The following CYP3A5 variants were observed in gnomAD, a reference collection of about 807,000 sequenced individuals.
CYP3A5 encodes the protein cytochrome P450 3A5.
CYP3A5 carries 51 observed loss-of-function variants against 55.9 expected under a neutral mutation model. That is an observed-to-expected ratio of 0.91 (90% CI 0.73 to 1.15). CYP3A5 has a LOEUF of 1.15. Ranked by LOEUF, CYP3A5 falls within the 50% of genes most tolerant of loss-of-function variation. The pLI, the probability that CYP3A5 is intolerant of heterozygous loss-of-function variation, is 0.00. For synonymous variants in CYP3A5, 196 were observed against 213.9 expected, an observed-to-expected ratio of 0.92 and a Z score of 0.73; for missense variants, 533 against 596.6, an observed-to-expected ratio of 0.89 and a Z score of 1.11.
intron 1 of CYP3A5, 25 bp downstream of exon 1, chr7:99,679,799 AAG>A: frequency 1.9e-6 from 3 of 1,612,732 alleles, no homozygotes; most frequent in Non-Finnish European, 2.5e-6. Context: ...CAAGGAAACA[AAG>A]AGAGGAGTTT....
rs575774991 is a variant in CYP3A5, at chr7:99,679,712, C to A, written c.71+114G>T. 3.0e-5 allele frequency: 29 copies of A among 965,194 alleles called. No individual in the cohort carries two copies. The African/African-American group carries it at 4.1e-4, about 14-fold the overall frequency. The allele number at this position is 965,194 out of a possible 1,614,324, so 59.8% of individuals were successfully genotyped here. On this transcript the variant is annotated intron_variant, in intron 1 of 12. Coordinates refer to ENST00000222982, the MANE Select transcript of CYP3A5 (RefSeq NM_000777.5). ...TATGCGTTTGTAGCGTCCAACACTT[C>A]AGCTACTTCTCCTTGAACATCTCTT...
intron 2 of CYP3A5, among the ~76,000 whole-genome samples, chr7:99,675,107 G>A (rs1156979535): frequency 1.3e-5 from 2 of 152,216 alleles, no homozygotes; most frequent in African/African-American, 4.8e-5. Context: ...TCTAAGGCAT[G>A]TTGTTGAGTG....
At chr7:99,677,656 G>A (rs1488710421) in intron 1 of CYP3A5, among the ~76,000 whole-genome samples, 1 of 152,212 alleles carries the variant, frequency 6.6e-6, no homozygotes, top group Non-Finnish European at 1.5e-5. Flanking sequence ...CTCAGCAGGG[G>A]CAGCATGAGC....
At chr7:99,671,594 T>G (rs767197539) in intron 4 of CYP3A5, 14 of 431,756 alleles carry the variant, frequency 3.2e-5, no homozygotes, top group Non-Finnish European at 4.5e-5. Flanking sequence ...TAACACAAAA[T>G]GGGTAATAGA....
rs989063277 is a variant in CYP3A5 at position 99,664,436 on chromosome 7, C to A, written c.671-341G>T. Reference sequence around the variant, plus strand: ...TAATCTGCTGCTTAACTTAATCATGCTGTTCAGGAAATGATAGTCAAGATA... The same window carrying A: ...TAATCTGCTGCTTAACTTAATCATGATGTTCAGGAAATGATAGTCAAGATA... On this transcript the variant is annotated intron_variant, in intron 7 of 12. Coordinates refer to ENST00000222982, the MANE Select transcript of CYP3A5 (RefSeq NM_000777.5). 3.4e-4 allele frequency among the ~76,000 whole-genome samples: 51 copies of A among 152,136 alleles called. 1 individual carries two copies. The highest frequency in any genetic ancestry group is 6.5e-5 in the Admixed American group (1 of 15,274).
rs1356525876 is a variant in CYP3A5 at position 99,664,029 on chromosome 7, A to T, written c.737T>A (p.Ile246Lys). Reference protein sequence around the residue: ...LNVSLFPKDTINFLSKSVNRM... With the variant: ...LNVSLFPKDTKNFLSKSVNRM... The stretch of plus-strand genomic sequence containing the variant: ...GTTTACAGATTTACTTAAAAAATTT[A>T]TGGTATCTTTTGGAAACAGAGAGAC... Residue 246 changes from isoleucine to lysine, a missense_variant, in exon 8 of 13, where the codon ATA becomes AAA. Ile to Lys is a moderately radical substitution (Grantham distance 102, BLOSUM62 -3). Transcript: ENST00000222982. 4 of 1,601,984 alleles carry T rather than the reference A, an allele frequency of 2.5e-6. No individual in the cohort carries two copies. Among genetic ancestry groups the T allele is most frequent in the African/African-American group, 2.7e-5 (2 of 74,102 alleles).
At chr7:99,658,938 C>T (rs1810078985) in intron 10 of CYP3A5, 1 of 152,182 alleles carries the variant, frequency 6.6e-6, no homozygotes, top group African/African-American at 2.4e-5. Flanking sequence ...TCCATCAGGT[C>T]CTTTAAGGAC....
intron 2 of CYP3A5, among the ~76,000 whole-genome samples, chr7:99,675,742 G>A (rs1215536114): frequency 8.4e-6 from 1 of 118,416 alleles, no homozygotes; most frequent in Admixed American, 9.3e-5. Flanking sequence ...TGACCAAGCT[G>A]GAGTGCAGTG....
chr7:99,678,053 T>G (rs1812463972), intron 1 of CYP3A5, among the ~76,000 whole-genome samples: 1 of 152,242 alleles, frequency 6.6e-6, no homozygotes, highest in African/African-American at 2.4e-5. Flanking sequence ...AGTCATCTAT[T>G]GCATGTAATT....
intron 4 of CYP3A5, chr7:99,670,790 A>G (rs1205738613): frequency 2.0e-5 from 3 of 152,212 alleles, no homozygotes; most frequent in African/African-American, 7.2e-5. Flanking sequence ...TAGAACCAAA[A>G]TATCTGATGA....
At chr7:99,663,922 T>C (rs1370874970) in intron 8 of CYP3A5, 46 bp downstream of exon 8, 1 of 1,548,346 alleles carries the variant, frequency 6.5e-7, no homozygotes, top group Non-Finnish European at 8.6e-7. Flanking sequence ...AAAATCTAAA[T>C]TTATCAAAAC....
At chr7:99,666,565 G>A (rs751622716) in intron 6 of CYP3A5, 36 bp downstream of exon 6, 12 of 1,602,702 alleles carry the variant, frequency 7.5e-6, no homozygotes, top group Non-Finnish European at 8.5e-6. Context: ...AAGGGCTCAT[G>A]ACAGCTCAGA....
chr7:99,667,314 C>G (rs1362977175), intron 4 of CYP3A5, among the ~76,000 whole-genome samples: 1 of 152,204 alleles, frequency 6.6e-6, no homozygotes, highest in Non-Finnish European at 1.5e-5. Context: ...ATCTCAGTCT[C>G]CTTTTAATTG....
At chr7:99,663,093 C>T in intron 8 of CYP3A5, 1 of 1,295,860 alleles carries the variant, frequency 7.7e-7, no homozygotes, top group East Asian at 3.4e-5. Flanking sequence ...ATCTAGCTAT[C>T]ATGTCCAATT....
chr7:99,676,453 A>C lies in CYP3A5; in HGVS notation c.72-245T>G, dbSNP rs191404069. The C allele has an allele frequency of 4.8e-6, 7 of 1,447,040 alleles. No homozygotes were observed. In the East Asian group the frequency reaches 2.2e-4, roughly 46 times the overall value. 89.6% of individuals were successfully genotyped at this position (1,447,040 alleles called of 1,614,324 possible). ...GAAGTCTTCATAGTCCCAATCCTGG[A>C]GTGAATACTTGATAAATGTCCTCAA... On this transcript the variant is annotated intron_variant, in intron 1 of 12. Transcript: ENST00000222982.
Position 99,672,561 on chromosome 7 carries a change from T to C in CYP3A5, c.318+19A>G, listed in dbSNP as rs770876229. ...CAGTGGATCAATCATTATTTAAATT[T>C]CAAAAAATGGATGCTTACCCTTCGA... On this transcript the variant is annotated intron_variant, in intron 4 of 12. Coordinates refer to ENST00000222982, the MANE Select transcript of CYP3A5 (RefSeq NM_000777.5). 12 of 1,598,734 alleles carry C rather than the reference T, an allele frequency of 7.5e-6. No homozygotes were observed. In the South Asian group the frequency reaches 1.2e-4, roughly 16 times the overall value.
intron 4 of CYP3A5, among the ~76,000 whole-genome samples, chr7:99,672,053 T>C (rs1811704294): frequency 6.6e-6 from 1 of 152,132 alleles, no homozygotes; most frequent in African/African-American, 2.4e-5. Flanking sequence ...TTGTTGTTGT[T>C]GTTGTTGTTG....
Position 99,664,050 on chromosome 7 carries a change from G to C in CYP3A5, c.716C>G (p.Ser239Cys). 1 of 1,598,762 alleles carries C rather than the reference G, an allele frequency of 6.3e-7. No homozygotes were observed. Among genetic ancestry groups the C allele is most frequent in the Non-Finnish European group, 8.5e-7 (1 of 1,176,624 alleles). ...LTPVFEALNV[S>C]LFPKDTINFL... The stretch of plus-strand genomic sequence containing the variant: ...ATTTATGGTATCTTTTGGAAACAGA[G>C]AGACATTTAATGCTTCAAAAACTGG... The change falls in exon 8 of 13, where the codon TCT (serine) becomes TGT (cysteine). Residue 239 changes from serine to cysteine, a missense_variant. Transcript: ENST00000222982.
chr7:99,658,845 C>G (rs940141246), intron 10 of CYP3A5: 1 of 152,208 alleles, frequency 6.6e-6, no homozygotes, highest in African/African-American at 2.4e-5. Context: ...TCTTCCATCA[C>G]TGATACCCTT....
Sources: allele counts gnomAD v4.1 joint callset (sites outside exome capture counted in the v4.1 genomes callset), GRCh38; gene constraint gnomAD v4.1.1; transcripts MANE v1.5; gene names NCBI Gene and HGNC (gene_info 2026-07-23, HGNC 2026-07-21).